Variants in PRKCI observed in about 807,000 individuals in gnomAD.
The protein encoded by PRKCI is protein kinase C iota.
Under a neutral mutation model 84.0 loss-of-function variants are expected in PRKCI, and 43 were observed. That is an observed-to-expected ratio of 0.51 (90% CI 0.40 to 0.66). PRKCI has a LOEUF of 0.66. PRKCI is among the 30% of genes least tolerant of loss of function. PRKCI has a pLI of 0.00. For missense variants in PRKCI, 459 were observed against 745.6 expected (o/e 0.62, Z 4.48); for synonymous variants, 216 against 234.4 (o/e 0.92, Z 0.72).
chr3:170,297,406 T>C lies in PRKCI; in HGVS notation c.1587+13T>C. ...TGATTGGGATATGGTATGTAAATTTTGATTACTCAACTATTAGGTTTCATT... is the reference window on the plus strand; with the variant it reads ...TGATTGGGATATGGTATGTAAATTTCGATTACTCAACTATTAGGTTTCATT... On this transcript the variant is annotated intron_variant, in intron 16 of 17. Coordinates refer to ENST00000295797, the MANE Select transcript of PRKCI (RefSeq NM_002740.6). 1 of 1,588,766 alleles carries C rather than the reference T, an allele frequency of 6.3e-7. No homozygotes were observed. The highest frequency in any genetic ancestry group is 8.6e-7 in the Non-Finnish European group (1 of 1,159,456).
At chr3:170,254,689 G>A (rs1293336073) in intron 2 of PRKCI, among the ~76,000 whole-genome samples, 1 of 152,082 alleles carries the variant, frequency 6.6e-6, no homozygotes, top group Non-Finnish European at 1.5e-5. Flanking sequence ...TTATGTGTCT[G>A]TTTTTATGCC....
At chr3:170,272,732 G>T (rs1360629270) in intron 6 of PRKCI, among the ~76,000 whole-genome samples, 1 of 152,128 alleles carries the variant, frequency 6.6e-6, no homozygotes, top group Non-Finnish European at 1.5e-5. Context: ...GAATAAATCA[G>T]TAATAACTTG....
intron 2 of PRKCI, among the ~76,000 whole-genome samples, chr3:170,243,260 A>G (rs1733181344): frequency 6.6e-6 from 1 of 152,104 alleles, no homozygotes; most frequent in Non-Finnish European, 1.5e-5. Context: ...GCTTTCTGTT[A>G]CTACAGATTA....
intron 2 of PRKCI, among the ~76,000 whole-genome samples, chr3:170,244,414 G>A (rs769803740): frequency 2.1e-4 from 32 of 152,242 alleles, no homozygotes; most frequent in Middle Eastern, 6.8e-3. Flanking sequence ...CTTCCTGCTC[G>A]GTGAACAAAT....
intron 2 of PRKCI, among the ~76,000 whole-genome samples, chr3:170,252,154 C>T (rs1242428366): frequency 1.3e-5 from 2 of 150,888 alleles, no homozygotes; most frequent in African/African-American, 4.9e-5. Flanking sequence ...GCGGAGCTTG[C>T]AGTGAGCCGA....
intron 12 of PRKCI, among the ~76,000 whole-genome samples, chr3:170,287,040 T>C (rs1331234602): frequency 1.3e-5 from 2 of 152,076 alleles, no homozygotes; most frequent in Non-Finnish European, 2.9e-5. Flanking sequence ...ACTGAAGATA[T>C]TTGTAAAAAA....
intron 2 of PRKCI, among the ~76,000 whole-genome samples, chr3:170,250,679 G>T (rs763217077): frequency 3.1e-4 from 47 of 152,104 alleles, no homozygotes; most frequent in Admixed American, 5.9e-4. Flanking sequence ...ATTGGCTATT[G>T]TGAGTAATGT....
chr3:170,234,129 T>C lies in PRKCI; in HGVS notation c.102-1101T>C, dbSNP rs192453784. 2.1e-3 allele frequency among the ~76,000 whole-genome samples: 319 copies of C among 148,872 alleles called. 1 individual carries two copies. Among genetic ancestry groups the C allele is most frequent in the Middle Eastern group, 0.018 (5 of 280 alleles). ...TCACTGCAATCTCCGCCTCCCGGGT[T>C]CAAGCGATTCTTCTGCCCCAGCCTC... On this transcript the variant is annotated intron_variant, in intron 1 of 17. Coordinates refer to ENST00000295797, the MANE Select transcript of PRKCI (RefSeq NM_002740.6).
chr3:170,290,723 G>C (rs1407317966), intron 12 of PRKCI, among the ~76,000 whole-genome samples: 1 of 151,964 alleles, frequency 6.6e-6, no homozygotes, highest in Non-Finnish European at 1.5e-5. Flanking sequence ...AGGCCATGTT[G>C]TTGAGTGTAT....
chr3:170,298,615 A>C (rs1181356167), intron 16 of PRKCI, among the ~76,000 whole-genome samples: 1 of 152,110 alleles, frequency 6.6e-6, no homozygotes, highest in Admixed American at 6.5e-5. Flanking sequence ...TATGTTGGCC[A>C]GGCTGGTCTT....
chr3:170,235,466 G>T, intron 2 of PRKCI, 115 bp downstream of exon 2: 1 of 1,133,450 alleles, frequency 8.8e-7, no homozygotes, highest in Non-Finnish European at 1.2e-6. Context: ...TTAGAAATTT[G>T]ATGCCATTCT....
intron 4 of PRKCI, among the ~76,000 whole-genome samples, chr3:170,267,525 T>C (rs1232217706): frequency 1.3e-5 from 2 of 151,940 alleles, no homozygotes; most frequent in African/African-American, 2.4e-5. Context: ...AATACAAAAT[T>C]AGCTGAGCAT....
chr3:170,269,826 C>T (rs1030442699), intron 5 of PRKCI, among the ~76,000 whole-genome samples: 4 of 151,898 alleles, frequency 2.6e-5, no homozygotes, highest in African/African-American at 4.8e-5. Flanking sequence ...GGTATGGTGG[C>T]GCATACCTGT....
At chr3:170,233,032 G>T (rs904317154) in intron 1 of PRKCI, among the ~76,000 whole-genome samples, 1 of 151,780 alleles carries the variant, frequency 6.6e-6, no homozygotes, top group African/African-American at 2.4e-5. Context: ...AATTTGGGGG[G>T]TGATACTTTG....
chr3:170,296,636 TAATAA>T (rs978383126), intron 15 of PRKCI, among the ~76,000 whole-genome samples: 1 of 152,150 alleles, frequency 6.6e-6, no homozygotes, highest in African/African-American at 2.4e-5. Flanking sequence ...TAATGAGTTT[TAATAA>T]AATAAGAAAT....
rs1309738517 is a variant in PRKCI, at chr3:170,222,790, GCGGTGGGCGGGAGGGGACAGGC to G, written c.101+24_101+45del. The G allele has an allele frequency of 1.3e-6, 2 of 1,596,838 alleles. No homozygotes were observed. Among genetic ancestry groups the G allele is most frequent in the Non-Finnish European group, 1.7e-6 (2 of 1,172,128 alleles). ...CCGCGGGTGAGTGTCCTGGGACAGG[GCGGTGGGCGGGAGGGGACAGGC>G]CGGCTCCACTCGGCCTGGAGGAGGG... On this transcript the variant is annotated intron_variant, in intron 1 of 17. Coordinates refer to ENST00000295797, the MANE Select transcript of PRKCI (RefSeq NM_002740.6).
intron 1 of PRKCI, among the ~76,000 whole-genome samples, chr3:170,230,355 A>C (rs1234318446): frequency 6.6e-6 from 1 of 151,548 alleles, no homozygotes; most frequent in African/African-American, 2.4e-5. Context: ...TTTTGAGACA[A>C]GGTCTTGCTC....
At chr3:170,231,111 C>T (rs2108835318) in intron 1 of PRKCI, among the ~76,000 whole-genome samples, 1 of 151,916 alleles carries the variant, frequency 6.6e-6, no homozygotes, top group Admixed American at 6.6e-5. Flanking sequence ...AGGCAAGGCG[C>T]TACCATGCCT....
At chr3:170,249,441 G>A (rs950821798) in intron 2 of PRKCI, among the ~76,000 whole-genome samples, 15 of 152,116 alleles carry the variant, frequency 9.9e-5, no homozygotes, top group African/African-American at 3.6e-4. Flanking sequence ...ATGTGTGTAT[G>A]TATATCTTGT....
Sources: gnomAD v4.1 joint callset for allele counts (sites outside exome capture counted in the v4.1 genomes callset) on GRCh38, gnomAD v4.1.1 for gene constraint, MANE v1.5 for transcripts, NCBI Gene and HGNC (gene_info 2026-07-23, HGNC 2026-07-21) for gene names.